The following KBTBD8 variants were observed in gnomAD, a reference collection of about 807,000 sequenced individuals.
KBTBD8 encodes kelch repeat and BTB domain containing 8.
A neutral mutation model predicts 53.5 loss-of-function variants in KBTBD8; 31 were observed. That is an observed-to-expected ratio of 0.58 (90% CI 0.44 to 0.78). The LOEUF (loss-of-function observed/expected upper bound fraction) is 0.78, where lower values mean the gene tolerates loss of function less well. Among genes scored for constraint, KBTBD8 ranks in the 30% least tolerant of loss-of-function variants. KBTBD8 has a pLI of 0.00. For missense variants in KBTBD8, 642 were observed against 735.8 expected (o/e 0.87, Z 1.48); for synonymous variants, 250 against 247.3 (o/e 1.01, Z -0.10).
Position 66,999,109 on chromosome 3 carries a change from A to T in KBTBD8, c.145A>T (p.Thr49Ser). The change falls in exon 2 of 4, where the codon ACA becomes TCA. Residue 49 changes from threonine (T) to serine (S), a missense_variant. Physicochemically the swap from Thr to Ser is moderately conservative, Grantham distance 58. Coordinates refer to ENST00000417314, the MANE Select transcript of KBTBD8 (RefSeq NM_032505.3). ...AACAATGTACGATGAAGGACAGTTG[A>T]CAGACATTGTAGTGGAAGTGGATCA... Reference protein sequence around the residue: ...LKTMYDEGQLTDIVVEVDHGK... With the variant: ...LKTMYDEGQLSDIVVEVDHGK... 6.2e-7 allele frequency: 1 copy of T among 1,614,196 alleles called. No individual in the cohort carries two copies. Among genetic ancestry groups the T allele is most frequent in the Non-Finnish European group, 8.5e-7 (1 of 1,180,026 alleles).
At chr3:67,000,295 AG>A (rs1304150489) in intron 2 of KBTBD8, among the ~76,000 whole-genome samples, 1 of 152,190 alleles carries the variant, frequency 6.6e-6, no homozygotes, top group Non-Finnish European at 1.5e-5. Flanking sequence ...TGAGCTGGAA[AG>A]AAAAAAAAAC....
Position 67,004,126 on chromosome 3 carries a change from T to A in KBTBD8, c.1159T>A (p.Tyr387Asn). 2 of 1,614,254 alleles carry A rather than the reference T, an allele frequency of 1.2e-6. No individual in the cohort carries two copies. The highest frequency in any genetic ancestry group is 2.2e-5 in the South Asian group (2 of 91,084). ...AGCCAGAATAGGCTGCAAACTTGTC[T>A]ATTGCTGTGGTAAAATGTATGCAAT... is the stretch of plus-strand genomic sequence containing the variant. ...LRARIGCKLV[Y>N]CCGKMYAIGG... The change falls in exon 3 of 4, where the codon TAT becomes AAT. Residue 387 changes from tyrosine (Y) to asparagine (N), a missense_variant. Physicochemically the swap from Tyr to Asn is moderately radical, Grantham distance 143. Transcript: ENST00000417314.
intron 3 of KBTBD8, among the ~76,000 whole-genome samples, chr3:67,006,279 A>C (rs983144516): frequency 6.6e-6 from 1 of 152,192 alleles, no homozygotes; most frequent in Admixed American, 6.5e-5. Flanking sequence ...TTTGTATATT[A>C]ATGCAAATAC....
Position 67,008,005 on chromosome 3 carries a change from G to C in KBTBD8, c.1426G>C (p.Ala476Pro). 6.2e-7 allele frequency: 1 copy of C among 1,613,300 alleles called. No homozygotes were observed. Among genetic ancestry groups the C allele is most frequent in the Non-Finnish European group, 8.5e-7 (1 of 1,179,752 alleles). Residue 476 changes from alanine to proline, a missense_variant, in exon 4 of 4, where the codon GCA becomes CCA. Coordinates refer to ENST00000417314, the MANE Select transcript of KBTBD8 (RefSeq NM_032505.3). ...PMTVPRIQGL[A>P]AVYKDSIYYI... ...GACTGTGCCTAGAATCCAGGGCTTA[G>C]CAGCTGTATACAAGGACTCTATCTA...
rs747332770 is a variant in KBTBD8, at chr3:67,003,620, T to C, written c.653T>C (p.Ile218Thr). 9 of 1,614,090 alleles carry C rather than the reference T, an allele frequency of 5.6e-6. No homozygotes were observed. Among genetic ancestry groups the C allele is most frequent in the Non-Finnish European group, 7.6e-6 (9 of 1,179,982 alleles). ...DREEHVYESI[I>T]RWFEHEQNER... Reference sequence around the variant, plus strand: ...GAAGAGCATGTTTATGAAAGCATTATAAGGTGGTTTGAGCATGAACAGAAT... The same window carrying C: ...GAAGAGCATGTTTATGAAAGCATTACAAGGTGGTTTGAGCATGAACAGAAT... Residue 218 changes from isoleucine to threonine, a missense_variant, in exon 3 of 4, where the codon ATA (isoleucine) becomes ACA (threonine). Transcript: ENST00000417314.
rs1303861334 is a variant in KBTBD8 at position 67,004,312 on chromosome 3, A to G, written c.1342+3A>G. ...AGAGAAGATCTATGTTTTACAGGGT[A>G]GGTGCCTAAGTGATTTAGTTTTTCA... On this transcript the variant is annotated splice_donor_region_variant and intron_variant, in intron 3 of 3. Coordinates refer to ENST00000417314, the MANE Select transcript of KBTBD8 (RefSeq NM_032505.3). 1.2e-6 allele frequency: 2 copies of G among 1,606,394 alleles called. No homozygotes were observed. Among genetic ancestry groups the G allele is most frequent in the Non-Finnish European group, 8.5e-7 (1 of 1,173,994 alleles).
chr3:67,010,005 A>G lies in KBTBD8; in HGVS notation c.*1620A>G, dbSNP rs568973874. The G allele has an allele frequency of 1.3e-5, 2 of 152,726 alleles. No individual in the cohort carries two copies. Among genetic ancestry groups the G allele is most frequent in the Non-Finnish European group, 2.9e-5 (2 of 67,984 alleles). The allele number at this position is 152,726 out of a possible 1,614,324, so 9.5% of individuals were successfully genotyped here. On this transcript the variant is annotated 3_prime_UTR_variant, in exon 4 of 4. Coordinates refer to ENST00000417314, the MANE Select transcript of KBTBD8 (RefSeq NM_032505.3). ...TTACATAGACCTCTACAAGTAGGGAATGTTTTCTGAAGCAGAAGTTAAAAT... is the reference window on the plus strand; with the variant it reads ...TTACATAGACCTCTACAAGTAGGGAGTGTTTTCTGAAGCAGAAGTTAAAAT...
chr3:66,999,793 G>T (rs1702000407), intron 2 of KBTBD8, among the ~76,000 whole-genome samples: 1 of 152,114 alleles, frequency 6.6e-6, no homozygotes, highest in South Asian at 2.1e-4. Flanking sequence ...TGCTATGGGG[G>T]TCAAAGCAAG....
chr3:67,008,725 A>G lies in KBTBD8; in HGVS notation c.*340A>G. On this transcript the variant is annotated 3_prime_UTR_variant, in exon 4 of 4. Transcript: ENST00000417314. ...GAGCATTTAGGGTATTATTGGGTAA[A>G]GACGTCTAAACTTGTTTGATGTGAC... 4.7e-6 allele frequency: 1 copy of G among 214,120 alleles called. No homozygotes were observed. The highest frequency in any genetic ancestry group is 9.5e-6 in the Non-Finnish European group (1 of 105,594). 13.3% of individuals were successfully genotyped at this position (214,120 alleles called of 1,614,324 possible).
Position 66,998,314 on chromosome 3 carries a change from C to T in KBTBD8, c.-42C>T. The T allele has an allele frequency of 7.7e-7, 1 of 1,293,112 alleles. No homozygotes were observed. 80.1% of individuals were successfully genotyped at this position (1,293,112 alleles called of 1,614,324 possible). On this transcript the variant is annotated 5_prime_UTR_variant, in exon 1 of 4. Transcript: ENST00000417314. The stretch of plus-strand genomic sequence containing the variant: ...CCCGGGAGCTAGAGAAGCGAAATGA[C>T]ATTTCCTTTTTAAATAGCTGGAGTC...
chr3:67,006,645 C>T (rs1399841710), intron 3 of KBTBD8, among the ~76,000 whole-genome samples: 1 of 152,212 alleles, frequency 6.6e-6, no homozygotes, highest in Non-Finnish European at 1.5e-5. Context: ...GAAGGCAAAG[C>T]ATCACTGTTA....
At chr3:67,007,878 A>G (rs1462488164) in intron 3 of KBTBD8, 44 bp from the exon 4 acceptor site, 1 of 1,204,968 alleles carries the variant, frequency 8.3e-7, no homozygotes, top group East Asian at 2.4e-5. Flanking sequence ...CAAAAACCAA[A>G]CATAAAAATT....
chr3:66,998,515 G>C, intron 1 of KBTBD8, 144 bp downstream of exon 1: 34 of 636,412 alleles, frequency 5.3e-5, no homozygotes, highest in Non-Finnish European at 7.7e-5. Flanking sequence ...GAAGAGGGAG[G>C]ATGAATGGTG....
At position 67,010,335 on chromosome 3, in the gene KBTBD8, G is replaced by C. The variant is rs965605902; in HGVS notation, c.*1950G>C. 1 of 152,418 alleles carries C rather than the reference G, an allele frequency of 6.6e-6. No homozygotes were observed. The highest frequency in any genetic ancestry group is 1.5e-5 in the Non-Finnish European group (1 of 67,962). The allele number at this position is 152,418 out of a possible 1,614,324, so 9.4% of individuals were successfully genotyped here. A position where few individuals can be genotyped will look rare whatever the true frequency, so the allele number is the denominator to read the frequency against. ...GCTTTGTTGAATAAGATTTCCTGCC[G>C]CTTTTTGACAATCTTGTGTATTTAG... On this transcript the variant is annotated 3_prime_UTR_variant, in exon 4 of 4. Coordinates refer to ENST00000417314, the MANE Select transcript of KBTBD8 (RefSeq NM_032505.3).
At position 67,003,469 on chromosome 3, in the gene KBTBD8, G is replaced by A. The variant is rs748567973; in HGVS notation, c.502G>A (p.Gly168Arg). The A allele has an allele frequency of 1.7e-5, 28 of 1,613,984 alleles. 1 individual carries two copies. The South Asian group carries it at 1.9e-4, about 11-fold the overall frequency. ...FADHYGHQELGDRSKEYIRKK... is the reference protein window; with the variant it reads ...FADHYGHQELRDRSKEYIRKK... ...TGATCATTATGGTCATCAGGAACTC[G>A]GAGATCGATCAAAAGAATACATTCG... Residue 168 changes from glycine (G) to arginine (R), a missense_variant, in exon 3 of 4, where the codon GGA becomes AGA. By Grantham distance (125) the Gly-to-Arg change is moderately radical (BLOSUM62 -2). Coordinates refer to ENST00000417314, the MANE Select transcript of KBTBD8 (RefSeq NM_032505.3).
Position 67,003,537 on chromosome 3 carries a change from G to A in KBTBD8, c.570G>A (p.Gln190=). 1 of 1,614,094 alleles carries A rather than the reference G, an allele frequency of 6.2e-7. No individual in the cohort carries two copies. The change falls in exon 3 of 4, where the codon CAG becomes CAA. Residue 190 remains glutamine, a synonymous_variant. Transcript: ENST00000417314. ...TCACCAAAGAACAAGAGTTTCTCCAGTTGACAAAAGACCAACTGATAAGTA... is the reference window on the plus strand; with the variant it reads ...TCACCAAAGAACAAGAGTTTCTCCAATTGACAAAAGACCAACTGATAAGTA... ...LCVTKEQEFL[Q]LTKDQLISIL...
rs891875049 is a variant in KBTBD8 at position 67,009,372 on chromosome 3, C to T, written c.*987C>T. 2 of 152,588 alleles carry T rather than the reference C, an allele frequency of 1.3e-5. No individual in the cohort carries two copies. Among genetic ancestry groups the T allele is most frequent in the African/African-American group, 4.8e-5 (2 of 41,440 alleles). 9.5% of individuals were successfully genotyped at this position (152,588 alleles called of 1,614,324 possible). On this transcript the variant is annotated 3_prime_UTR_variant, in exon 4 of 4. Coordinates refer to ENST00000417314, the MANE Select transcript of KBTBD8 (RefSeq NM_032505.3). Reference sequence around the variant, plus strand: ...CAACCTTCTCTTCCATCTACCTGTCCATTCATTATTGGTACAAGGAAAGGT... The same window carrying T: ...CAACCTTCTCTTCCATCTACCTGTCTATTCATTATTGGTACAAGGAAAGGT...
At position 67,008,554 on chromosome 3, in the gene KBTBD8, A is replaced by G. The variant is rs1460246780; in HGVS notation, c.*169A>G. 1 of 524,878 alleles carries G rather than the reference A, an allele frequency of 1.9e-6. No homozygotes were observed. Among genetic ancestry groups the G allele is most frequent in the African/African-American group, 1.9e-5 (1 of 53,166 alleles). 32.5% of individuals were successfully genotyped at this position (524,878 alleles called of 1,614,324 possible). On this transcript the variant is annotated 3_prime_UTR_variant, in exon 4 of 4. Transcript: ENST00000417314. ...AGGGATTTTCCTTCATCCTTGTGAC[A>G]TTTCATTTCAGTAAGGAAAAGATAA...
At chr3:67,006,826 T>G (rs1702067602) in intron 3 of KBTBD8, among the ~76,000 whole-genome samples, 1 of 152,228 alleles carries the variant, frequency 6.6e-6, no homozygotes, top group Non-Finnish European at 1.5e-5. Context: ...GCTATTGAAG[T>G]ATCATTTAAT....
Sources: allele counts gnomAD v4.1 joint callset (sites outside exome capture counted in the v4.1 genomes callset), GRCh38; gene constraint gnomAD v4.1.1; transcripts MANE v1.5; gene names NCBI Gene and HGNC (gene_info 2026-07-23, HGNC 2026-07-21).